SNX8: variants seen among roughly 807,000 people sequenced by gnomAD.
SNX8 encodes the protein sorting nexin-8.
In SNX8, 25 loss-of-function variants were observed where a neutral mutation model predicts 51.6. The observed-to-expected ratio is 0.48, with a 90% CI of 0.35 to 0.68. The LOEUF is 0.68. Ranked by LOEUF, SNX8 falls within the 30% of genes least tolerant of loss-of-function variation. The pLI, the probability that SNX8 is intolerant of heterozygous loss-of-function variation, is 0.00. For synonymous variants in SNX8, 324 were observed against 277.0 expected (o/e 1.17, Z -1.68); for missense variants, 695 against 624.0 (o/e 1.11, Z -1.21).
At chr7:2,316,989 G>C (rs562244737), upstream of SNX8, among the ~76,000 whole-genome samples, 1 of 152,330 alleles carries the variant, frequency 6.6e-6, no homozygotes, top group South Asian at 2.1e-4. Context: ...CAAAACGGGA[G>C]CAAGGCTGTG....
rs182682310 is a variant in SNX8, at chr7:2,304,533, G to C, written c.94+9795C>G. ...TACTCCAGCCTGGGCGACAGAGCGAGACTCCATCTCAAAAAAAAAAAAAAT... is the reference window on the plus strand; with the variant it reads ...TACTCCAGCCTGGGCGACAGAGCGACACTCCATCTCAAAAAAAAAAAAAAT... On this transcript the variant is annotated intron_variant, in intron 1 of 10. Coordinates refer to ENST00000222990, the MANE Select transcript of SNX8 (RefSeq NM_013321.4). Among the ~76,000 whole-genome samples the C allele has an allele frequency of 3.3e-5, 5 of 151,346 alleles. No homozygotes were observed. The East Asian group carries it at 9.7e-4, about 29-fold the overall frequency.
At chr7:2,302,007 C>G (rs1290465228) in intron 1 of SNX8, among the ~76,000 whole-genome samples, 1 of 152,080 alleles carries the variant, frequency 6.6e-6, no homozygotes, top group African/African-American at 2.4e-5. Context: ...CTTTGGGAGG[C>G]CGAGGCAGGC....
chr7:2,275,090 T>G (rs779349718), intron 3 of SNX8, 22 bp downstream of exon 3: 1 of 1,532,262 alleles, frequency 6.5e-7, no homozygotes, highest in Admixed American at 1.7e-5. Context: ...CCGCCCCCGG[T>G]GGGCAGCACG....
At chr7:2,286,557 G>A (rs1231620629) in intron 1 of SNX8, among the ~76,000 whole-genome samples, 1 of 147,094 alleles carries the variant, frequency 6.8e-6, no homozygotes, top group African/African-American at 2.5e-5. Flanking sequence ...TTGCTCTGTC[G>A]CCCAGGCTGG....
intron 1 of SNX8, among the ~76,000 whole-genome samples, chr7:2,326,896 A>T (rs1010903486): frequency 1.3e-5 from 2 of 152,140 alleles, no homozygotes; most frequent in Non-Finnish European, 2.9e-5. Context: ...ACTTGAGCTC[A>T]TAAGTTCGAG....
chr7:2,300,601 A>G (rs1212199428), intron 1 of SNX8, among the ~76,000 whole-genome samples: 1 of 151,164 alleles, frequency 6.6e-6, no homozygotes, highest in Non-Finnish European at 1.5e-5. Context: ...TTTTGTAGAG[A>G]AAAGGTCTCG....
At chr7:2,317,869 G>T (rs1796781171), upstream of SNX8, among the ~76,000 whole-genome samples, 1 of 152,024 alleles carries the variant, frequency 6.6e-6, no homozygotes, top group Non-Finnish European at 1.5e-5. Flanking sequence ...TTCTGCTGAT[G>T]GACATATAAC....
intron 5 of SNX8, among the ~76,000 whole-genome samples, chr7:2,267,980 G>A (rs1795516115): frequency 6.7e-6 from 1 of 148,430 alleles, no homozygotes; most frequent in African/African-American, 2.5e-5. Context: ...TCTGGGATGT[G>A]AGGAGCGCCT....
At chr7:2,305,863 T>C (rs997699056) in intron 1 of SNX8, among the ~76,000 whole-genome samples, 1 of 151,874 alleles carries the variant, frequency 6.6e-6, no homozygotes, top group East Asian at 1.9e-4. Context: ...GGAGAACTGC[T>C]TGAGCCCAGG....
At chr7:2,286,264 G>A (rs188126394) in intron 1 of SNX8, among the ~76,000 whole-genome samples, 8 of 149,374 alleles carry the variant, frequency 5.4e-5, no homozygotes, top group Admixed American at 1.3e-4. Context: ...CGCCTGCCTC[G>A]GCCTCCCAAA....
At chr7:2,321,480 G>A (rs1363504243) in intron 1 of SNX8, among the ~76,000 whole-genome samples, 1 of 148,454 alleles carries the variant, frequency 6.7e-6, no homozygotes, top group Non-Finnish European at 1.5e-5. Flanking sequence ...AGGCTGGAGT[G>A]CAGTGGCGTG....
Position 2,257,027 on chromosome 7 carries a change from C to T in SNX8, c.1135-4G>A, listed in dbSNP as rs1437530028. The T allele has an allele frequency of 1.3e-6, 2 of 1,595,418 alleles. No individual in the cohort carries two copies. The highest frequency in any genetic ancestry group is 1.7e-6 in the Non-Finnish European group (2 of 1,168,106). ...TCGTCTGAATCGCGTTCTCCTGCTG[C>T]GGAGCAAACAGCCGCCTTTCGCACC... is the stretch of plus-strand genomic sequence containing the variant. On this transcript the variant is annotated splice_polypyrimidine_tract_variant and splice_region_variant and intron_variant, in intron 9 of 10. Transcript: ENST00000222990.
At chr7:2,284,146 T>G (rs971599412) in intron 1 of SNX8, among the ~76,000 whole-genome samples, 5 of 152,068 alleles carry the variant, frequency 3.3e-5, no homozygotes, top group African/African-American at 9.7e-5. Flanking sequence ...TCCAGGCTAG[T>G]CTCGAACTCC....
At chr7:2,264,519 C>G in intron 5 of SNX8, 61 bp from the exon 6 acceptor site, 1 of 1,528,846 alleles carries the variant, frequency 6.5e-7, no homozygotes, top group Non-Finnish European at 8.8e-7. Flanking sequence ...TGTCAGACGG[C>G]AGCAGCCGGT....
intron 1 of SNX8, among the ~76,000 whole-genome samples, chr7:2,310,380 T>C (rs1338490410): frequency 6.6e-6 from 1 of 152,108 alleles, no homozygotes; most frequent in Non-Finnish European, 1.5e-5. Context: ...TCCCAGCACT[T>C]TGGGAGGCCC....
At chr7:2,298,614 C>T (rs1378319785) in intron 1 of SNX8, among the ~76,000 whole-genome samples, 1 of 151,830 alleles carries the variant, frequency 6.6e-6, no homozygotes, top group Non-Finnish European at 1.5e-5. Context: ...AGGTGATCCA[C>T]CCGCCTCAGC....
At chr7:2,309,987 G>A (rs1475512476) in intron 1 of SNX8, 2 of 416,664 alleles carry the variant, frequency 4.8e-6, no homozygotes, top group Non-Finnish European at 9.8e-6. Flanking sequence ...AAACAGCACG[G>A]AGCTTCCGAA....
Position 2,253,843 on chromosome 7 carries a change from C to G in SNX8, c.*1213G>C, listed in dbSNP as rs1468504290. On this transcript the variant is annotated 3_prime_UTR_variant, in exon 11 of 11. Coordinates refer to ENST00000222990, the MANE Select transcript of SNX8 (RefSeq NM_013321.4). ...GTGAGAGGAGTGAACGCCCCAGAGG[C>G]CAGTGAGCATCTGCGGAGCGGAGGG... is the stretch of plus-strand genomic sequence containing the variant. The G allele has an allele frequency of 6.6e-6, 1 of 152,286 alleles. No homozygotes were observed. The highest frequency in any genetic ancestry group is 1.5e-5 in the Non-Finnish European group (1 of 68,080). 9.4% of individuals were successfully genotyped at this position (152,286 alleles called of 1,614,324 possible).
chr7:2,289,088 G>A (rs1392477223), intron 1 of SNX8, among the ~76,000 whole-genome samples: 6 of 152,232 alleles, frequency 3.9e-5, no homozygotes, highest in East Asian at 1.9e-4. Flanking sequence ...TGTTCCTGAC[G>A]TCTTTCCCTC....
Sources: gnomAD v4.1 joint callset for allele counts (sites outside exome capture counted in the v4.1 genomes callset) on GRCh38, gnomAD v4.1.1 for gene constraint, MANE v1.5 for transcripts, NCBI Gene and HGNC (gene_info 2026-07-23, HGNC 2026-07-21) for gene names.